HCN4: variants seen among roughly 807,000 people sequenced by gnomAD.
HCN4 encodes hyperpolarization activated cyclic nucleotide gated potassium channel 4, also known as potassium/sodium hyperpolarization-activated cyclic nucleotide-gated channel 4.
A neutral mutation model predicts 76.9 loss-of-function variants in HCN4; 29 were observed. The ratio of observed to expected loss-of-function variants is 0.38; its 90% CI spans 0.28 to 0.51. HCN4 has a LOEUF of 0.51. Ranked by LOEUF, HCN4 falls within the 20% of genes least tolerant of loss-of-function variation. The pLI is 0.90. For synonymous variants in HCN4, 772 were observed against 762.5 expected, an observed-to-expected ratio of 1.01 and a Z score of -0.21; for missense variants, 1,416 against 1,715.2, an observed-to-expected ratio of 0.83 and a Z score of 3.08.
At chr15:73,337,207 T>C (rs1023744052) in intron 2 of HCN4, among the ~76,000 whole-genome samples, 2 of 152,228 alleles carry the variant, frequency 1.3e-5, no homozygotes, top group African/African-American at 4.8e-5. Context: ...CTGTGACTCT[T>C]TGCCCTGATG....
chr15:73,350,888 C>G lies in HCN4; in HGVS notation c.786-7080G>C, dbSNP rs2043052734. On this transcript the variant is annotated intron_variant, in intron 1 of 7. Coordinates refer to ENST00000261917, the MANE Select transcript of HCN4 (RefSeq NM_005477.3). ...TGAACCCCTGCTGTCTTATCTCTTA[C>G]CAAGCTCCTTGAAGGAGGTGTCACC... 2.0e-5 allele frequency among the ~76,000 whole-genome samples: 3 copies of G among 152,256 alleles called. No individual in the cohort carries two copies. The East Asian group carries it at 5.8e-4, about 29-fold the overall frequency.
chr15:73,332,122 C>A lies in HCN4; in HGVS notation c.1371+9G>T. 2 of 1,613,180 alleles carry A rather than the reference C, an allele frequency of 1.2e-6. No individual in the cohort carries two copies. The highest frequency in any genetic ancestry group is 2.2e-5 in the South Asian group (2 of 91,032). ...GGCCCAGAGAGAGGACCGGGCTGGG[C>A]GCACTCACCACCATGTTGTTGATGG... On this transcript the variant is annotated intron_variant, in intron 3 of 7. Transcript: ENST00000261917.
chr15:73,323,508 A>G lies in HCN4; in HGVS notation c.2585T>C (p.Leu862Pro), dbSNP rs1206447973. ...PSSSSFHIQQLAGFSAPAGLS... is the reference protein window; with the variant it reads ...PSSSSFHIQQPAGFSAPAGLS... ...TCCAGCGGGGGCAGAGAATCCAGCC[A>G]GCTGTTGGATGTGGAAGGAGGATGA... Residue 862 changes from leucine to proline, a missense_variant, in exon 8 of 8, where the codon CTG becomes CCG. Transcript: ENST00000261917. 3 of 1,602,348 alleles carry G rather than the reference A, an allele frequency of 1.9e-6. No homozygotes were observed. In the South Asian group the frequency reaches 3.3e-5, roughly 18 times the overall value.
chr15:73,346,043 A>C (rs1408576784), intron 1 of HCN4, among the ~76,000 whole-genome samples: 3 of 152,172 alleles, frequency 2.0e-5, no homozygotes, highest in Non-Finnish European at 4.4e-5. Flanking sequence ...AGGCAAAAAC[A>C]CCCATTTCCT....
intron 1 of HCN4, among the ~76,000 whole-genome samples, chr15:73,360,360 C>G (rs1302531067): frequency 6.6e-6 from 1 of 152,262 alleles, no homozygotes; most frequent in East Asian, 1.9e-4. Context: ...AGCTGCTCCC[C>G]CTCTTTGCTC....
intron 1 of HCN4, among the ~76,000 whole-genome samples, chr15:73,345,114 G>C (rs544051120): frequency 6.6e-6 from 1 of 152,336 alleles, no homozygotes; most frequent in African/African-American, 2.4e-5. Context: ...AGTCTTCAGA[G>C]GGTCTCACTG....
intron 1 of HCN4, among the ~76,000 whole-genome samples, chr15:73,350,862 C>G (rs1191049678): frequency 6.6e-6 from 1 of 152,164 alleles, no homozygotes; most frequent in Non-Finnish European, 1.5e-5. Context: ...AAATCCCTCC[C>G]TGAACCCCTG....
intron 1 of HCN4, among the ~76,000 whole-genome samples, chr15:73,364,024 C>T (rs1041681804): frequency 1.3e-5 from 2 of 152,108 alleles, no homozygotes; most frequent in Non-Finnish European, 2.9e-5. Flanking sequence ...ACCTGCTAGG[C>T]CACTGGCCCA....
At chr15:73,327,677 A>G (rs532433306) in intron 4 of HCN4, among the ~76,000 whole-genome samples, 2 of 151,840 alleles carry the variant, frequency 1.3e-5, no homozygotes, top group East Asian at 2.0e-4. Flanking sequence ...CTACCTCCCT[A>G]GGAGGTAGAG....
intron 2 of HCN4, among the ~76,000 whole-genome samples, chr15:73,337,176 G>C (rs1375304365): frequency 1.3e-5 from 2 of 152,156 alleles, no homozygotes; most frequent in African/African-American, 4.8e-5. Flanking sequence ...CACAGCCAAG[G>C]GCTCTCCCTT....
At chr15:73,323,979 G>C (rs760067483) in intron 7 of HCN4, 30 bp from the exon 8 acceptor site, 1 of 1,609,174 alleles carries the variant, frequency 6.2e-7, no homozygotes, top group Admixed American at 1.7e-5. Context: ...CAGGCACTCA[G>C]GGCAGAGCGG....
intron 1 of HCN4, among the ~76,000 whole-genome samples, chr15:73,365,647 G>A (rs2151227723): frequency 6.6e-6 from 1 of 152,340 alleles, no homozygotes; most frequent in South Asian, 2.1e-4. Context: ...AAGGGAGATA[G>A]GAAGGGCCAG....
intron 1 of HCN4, among the ~76,000 whole-genome samples, chr15:73,360,951 T>C (rs994631572): frequency 1.3e-5 from 2 of 152,184 alleles, no homozygotes; most frequent in Admixed American, 1.3e-4. Flanking sequence ...CAAAAGCCAA[T>C]GTAAAGGAGG....
Position 73,368,148 on chromosome 15 carries a change from T to C in HCN4, c.123A>G (p.Gln41=). The C allele has an allele frequency of 1.3e-6, 2 of 1,522,204 alleles. No homozygotes were observed. Among genetic ancestry groups the C allele is most frequent in the Non-Finnish European group, 8.8e-7 (1 of 1,136,538 alleles). 94.3% of individuals were successfully genotyped at this position (1,522,204 alleles called of 1,614,324 possible). The change falls in exon 1 of 8, where the codon CAA becomes CAG. Residue 41 remains glutamine (Q), a synonymous_variant. Coordinates refer to ENST00000261917, the MANE Select transcript of HCN4 (RefSeq NM_005477.3). This position sits in a 1 kb window ranked among gnomAD's most constrained non-coding sequence, Gnocchi z 6.9. ...GCCGGATGCTCCTGCGGCTGGGGTC[T>C]TGGCGGCCCCCGGCCCCCTCCTCCT... The part of the protein sequence containing the change: ...DAEEEGAGGR[Q]DPSRRSIRLR...
chr15:73,353,660 C>G (rs2043065018), intron 1 of HCN4, among the ~76,000 whole-genome samples: 1 of 152,154 alleles, frequency 6.6e-6, no homozygotes, highest in Non-Finnish European at 1.5e-5. Context: ...CTGTCACCAC[C>G]TTCACCATCC....
intron 6 of HCN4, among the ~76,000 whole-genome samples, chr15:73,324,722 G>C (rs2042888248): frequency 6.6e-6 from 1 of 152,152 alleles, no homozygotes; most frequent in Non-Finnish European, 1.5e-5. Context: ...AGCTCAGATG[G>C]CCAGCCTCCA....
intron 4 of HCN4, among the ~76,000 whole-genome samples, chr15:73,326,537 T>C (rs1157919203): frequency 2.0e-5 from 3 of 151,696 alleles, no homozygotes; most frequent in Admixed American, 6.6e-5. Flanking sequence ...AGAGAACAGG[T>C]AGGGGTAGGG....
In HCN4 at chr15:73,367,406, C is replaced by A. The variant is rs930358558; in HGVS notation, c.785+80G>T. On this transcript the variant is annotated intron_variant, in intron 1 of 7. Transcript: ENST00000261917. This position sits in a 1 kb window ranked among gnomAD's most constrained non-coding sequence, Gnocchi z 7.5. The stretch of plus-strand genomic sequence containing the variant: ...CCAGCGCAAGGCAGGAAAGTTAACT[C>A]CGGCTGGGAGGCAGGGTCAGGAGGA... The A allele has an allele frequency of 1.0e-4, 160 of 1,600,030 alleles. No homozygotes were observed. Among genetic ancestry groups the A allele is most frequent in the Non-Finnish European group, 1.3e-4 (155 of 1,174,346 alleles).
chr15:73,343,461 C>T lies in HCN4; in HGVS notation c.1133G>A (p.Arg378His), dbSNP rs1347790774. Residue 378 changes from arginine (R) to histidine (H), a missense_variant, in exon 2 of 8, where the codon CGC becomes CAC. Arg to His is a conservative substitution (Grantham distance 29, BLOSUM62 0). Around this residue, in one of 6 missense-constraint regions of HCN4, gnomAD observed 112 missense variants for 259.9 expected, o/e 0.43. Coordinates refer to ENST00000261917, the MANE Select transcript of HCN4 (RefSeq NM_005477.3). The surrounding 1 kb of genome is among the most constrained non-coding windows in gnomAD (Gnocchi z 5.7). ...TAAGAGGCTGAGGATCTTCGTGAAG[C>T]GGACAATGCGCAGGGCCCGGGCAGT... ...YKTARALRIV[R>H]FTKILSLLRL... The T allele has an allele frequency of 3.1e-6, 5 of 1,614,190 alleles. No individual in the cohort carries two copies. Among genetic ancestry groups the T allele is most frequent in the Non-Finnish European group, 3.4e-6 (4 of 1,180,036 alleles).
Sources: allele counts gnomAD v4.1 joint callset (sites outside exome capture counted in the v4.1 genomes callset), GRCh38; gene constraint gnomAD v4.1.1; regional missense constraint gnomAD v4.1.1; non-coding constraint Gnocchi (gnomAD v3.1); transcripts MANE v1.5; gene names NCBI Gene and HGNC (gene_info 2026-07-23, HGNC 2026-07-21).